Variants in STAT4 observed in about 807,000 individuals in gnomAD.
STAT4 encodes the protein signal transducer and activator of transcription 4.
Under a neutral mutation model 110.5 loss-of-function variants are expected in STAT4, and 42 were observed. That is an observed-to-expected ratio of 0.38 (90% CI 0.30 to 0.49). The LOEUF is 0.49. Among genes scored for constraint, STAT4 ranks in the 20% least tolerant of loss-of-function variants. STAT4 has a pLI of 0.95. For synonymous variants in STAT4, 284 were observed against 302.2 expected, an observed-to-expected ratio of 0.94 and a Z score of 0.63; for missense variants, 632 against 887.9, an observed-to-expected ratio of 0.71 and a Z score of 3.66.
rs1696869305 is a variant in STAT4 at position 191,062,260 on chromosome 2, C to T, written c.942-439G>A. On this transcript the variant is annotated intron_variant, in intron 9 of 23. Coordinates refer to ENST00000392320, the MANE Select transcript of STAT4 (RefSeq NM_003151.4). This position sits in a 1 kb window ranked among gnomAD's most constrained non-coding sequence, Gnocchi z 4.9. ...CTGTAGAGATGGGGGTCTTTTTATG[C>T]TGTCCAGGCTGTTCTACAACTCCTG... Among the ~76,000 whole-genome samples, 1 of 151,994 alleles carries T rather than the reference C, an allele frequency of 6.6e-6. No homozygotes were observed. The highest frequency in any genetic ancestry group is 2.4e-5 in the African/African-American group (1 of 41,378).
chr2:191,142,551 G>A lies in STAT4; in HGVS notation c.273+4062C>T, dbSNP rs1275520543. 1.3e-5 allele frequency among the ~76,000 whole-genome samples: 2 copies of A among 152,096 alleles called. No homozygotes were observed. The highest frequency in any genetic ancestry group is 6.6e-5 in the Admixed American group (1 of 15,260). On this transcript the variant is annotated intron_variant, in intron 3 of 23. Transcript: ENST00000392320. The surrounding 1 kb of genome is among the most constrained non-coding windows in gnomAD (Gnocchi z 4.1). ...TTAAGTTCTAACATTCTATAGCAGG[G>A]TTAATATAGTTAACAACAATGTAAT...
At chr2:191,076,465 T>A in intron 3 of STAT4, 140 bp from the exon 4 acceptor site, 1 of 656,104 alleles carries the variant, frequency 1.5e-6, no homozygotes, top group South Asian at 2.0e-5. Flanking sequence ...CAATACTCTG[T>A]TCCATTAGAA....
intron 3 of STAT4, among the ~76,000 whole-genome samples, chr2:191,111,408 A>C (rs1415170220): frequency 6.6e-6 from 1 of 152,228 alleles, no homozygotes; most frequent in Non-Finnish European, 1.5e-5. Flanking sequence ...TCGGAGTATA[A>C]CTTTTTTTCA....
chr2:191,049,330 C>T (rs1424715874), intron 14 of STAT4, among the ~76,000 whole-genome samples: 3 of 151,958 alleles, frequency 2.0e-5, no homozygotes, highest in East Asian at 3.9e-4. Context: ...AACCCGCCAC[C>T]ACTCCTGGCT....
Position 191,146,508 on chromosome 2 carries a change from C to T in STAT4, c.273+105G>A. The T allele has an allele frequency of 1.8e-6, 2 of 1,095,698 alleles. No homozygotes were observed. Among genetic ancestry groups the T allele is most frequent in the Non-Finnish European group, 2.4e-6 (2 of 847,918 alleles). The allele number at this position is 1,095,698 out of a possible 1,614,324, so 67.9% of individuals were successfully genotyped here. On this transcript the variant is annotated intron_variant, in intron 3 of 23. Transcript: ENST00000392320. This position sits in a 1 kb window ranked among gnomAD's most constrained non-coding sequence, Gnocchi z 4.5. Reference sequence around the variant, plus strand: ...GTAAGTGGTAAGACAACTCAATTTTCCCCTAAATTTCATTTGAAAATAATA... The same window carrying T: ...GTAAGTGGTAAGACAACTCAATTTTTCCCTAAATTTCATTTGAAAATAATA...
chr2:191,075,263 C>A (rs1436262075), intron 4 of STAT4, among the ~76,000 whole-genome samples: 1 of 152,122 alleles, frequency 6.6e-6, no homozygotes, highest in African/African-American at 2.4e-5. Context: ...TAATTACACA[C>A]CCTTTCCTTT....
rs6434441 is a variant in STAT4 at position 191,135,356 on chromosome 2, G to T, written c.273+11257C>A. On this transcript the variant is annotated intron_variant, in intron 3 of 23. Transcript: ENST00000392320. This position sits in a 1 kb window ranked among gnomAD's most constrained non-coding sequence, Gnocchi z 4.8. ...CTAGCAAGATTGAATCAGGAAAAAA[G>T]CCCAAAAAGACCTGAACAGACTAAT... Among the ~76,000 whole-genome samples, 1 of 151,966 alleles carries T rather than the reference G, an allele frequency of 6.6e-6. No individual in the cohort carries two copies. The highest frequency in any genetic ancestry group is 1.5e-5 in the Non-Finnish European group (1 of 67,990).
chr2:191,033,828 A>G lies in STAT4; in HGVS notation c.1715+83T>C. 7.2e-7 allele frequency: 1 copy of G among 1,396,130 alleles called. No homozygotes were observed. Among genetic ancestry groups the G allele is most frequent in the Non-Finnish European group, 9.8e-7 (1 of 1,019,886 alleles). 86.5% of individuals were successfully genotyped at this position (1,396,130 alleles called of 1,614,324 possible). On this transcript the variant is annotated intron_variant, in intron 19 of 23. Transcript: ENST00000392320. The surrounding 1 kb of genome is among the most constrained non-coding windows in gnomAD (Gnocchi z 6.9). ...TTTTCTGTGGTACTAAACATGCTTAAGAGAAAAAGAAAGAAGAAAACCAAT... is the reference window on the plus strand; with the variant it reads ...TTTTCTGTGGTACTAAACATGCTTAGGAGAAAAAGAAAGAAGAAAACCAAT...
At chr2:191,088,803 G>A (rs111530282) in intron 3 of STAT4, among the ~76,000 whole-genome samples, 1 of 152,100 alleles carries the variant, frequency 6.6e-6, no homozygotes, top group South Asian at 2.1e-4. Flanking sequence ...TTTGACAAAA[G>A]GGCAAATGCG....
chr2:191,066,315 C>T lies in STAT4; in HGVS notation c.630+115G>A. ...ACTGTTCCTAGAAACCTTGCCGTTT[C>T]TTCATTCAGTAAATGGAACTGATAA... On this transcript the variant is annotated intron_variant, in intron 7 of 23. Coordinates refer to ENST00000392320, the MANE Select transcript of STAT4 (RefSeq NM_003151.4). The surrounding 1 kb of genome is among the most constrained non-coding windows in gnomAD (Gnocchi z 4.3). 1 of 934,518 alleles carries T rather than the reference C, an allele frequency of 1.1e-6. No homozygotes were observed. Among genetic ancestry groups the T allele is most frequent in the Non-Finnish European group, 1.6e-6 (1 of 610,384 alleles). The allele number at this position is 934,518 out of a possible 1,614,324, so 57.9% of individuals were successfully genotyped here.
intron 4 of STAT4, among the ~76,000 whole-genome samples, chr2:191,073,468 C>T (rs1028630828): frequency 1.3e-5 from 2 of 152,172 alleles, no homozygotes; most frequent in Admixed American, 6.5e-5. Context: ...AGGTGGATTG[C>T]CTGAGCTCAA....
intron 18 of STAT4, 40 bp downstream of exon 18, chr2:191,034,508 A>G: frequency 6.5e-7 from 1 of 1,532,854 alleles, no homozygotes; most frequent in Non-Finnish European, 9.0e-7. Flanking sequence ...CATTGTATTA[A>G]AAAAATGTAT....
rs935197102 is a variant in STAT4 at position 191,080,890 on chromosome 2, T to C, written c.274-4565A>G. ...GTTATACTTTAAGTTCTGGGATACA[T>C]GTGCAGGTTTGTTACATAGGTATAC... is the stretch of plus-strand genomic sequence containing the variant. On this transcript the variant is annotated intron_variant, in intron 3 of 23. Transcript: ENST00000392320. Among the ~76,000 whole-genome samples the C allele has an allele frequency of 6.6e-5, 10 of 152,230 alleles. No homozygotes were observed. The East Asian group carries it at 1.2e-3, about 18-fold the overall frequency.
intron 3 of STAT4, among the ~76,000 whole-genome samples, chr2:191,101,639 A>G (rs868059440): frequency 7.2e-5 from 11 of 152,088 alleles, no homozygotes; most frequent in Non-Finnish European, 1.0e-4. Flanking sequence ...TGGTTTTCAT[A>G]TTTGATGTCA....
intron 3 of STAT4, among the ~76,000 whole-genome samples, chr2:191,130,464 C>T (rs552372986): frequency 7.9e-5 from 12 of 151,644 alleles, no homozygotes; most frequent in African/African-American, 1.9e-4. Context: ...CCTCGTGATC[C>T]GCCCGCCTCG....
At chr2:191,127,254 T>C (rs1430779883) in intron 3 of STAT4, among the ~76,000 whole-genome samples, 2 of 152,220 alleles carry the variant, frequency 1.3e-5, no homozygotes, top group Non-Finnish European at 2.9e-5. Flanking sequence ...AAACCTTTGA[T>C]GGTTCCCTAT....
rs755040300 is a variant in STAT4, at chr2:191,073,058, A to C, written c.465+40T>G. On this transcript the variant is annotated intron_variant, in intron 5 of 23. Transcript: ENST00000392320. ...GAATGGTGCATAGTTATATGGGGAC[A>C]GTATCTAGACTTTCTAGGTATCTGT... 2.6e-6 allele frequency: 4 copies of C among 1,544,032 alleles called. No individual in the cohort carries two copies. The South Asian group carries it at 4.5e-5, about 17-fold the overall frequency.
intron 5 of STAT4, among the ~76,000 whole-genome samples, chr2:191,071,356 C>T (rs1245183635): frequency 6.6e-6 from 1 of 152,160 alleles, no homozygotes; most frequent in Non-Finnish European, 1.5e-5. Flanking sequence ...AACAAAGTCT[C>T]ATGGAAGGCT....
intron 3 of STAT4, among the ~76,000 whole-genome samples, chr2:191,123,121 G>A (rs754199877): frequency 1.2e-4 from 18 of 152,206 alleles, no homozygotes; most frequent in Non-Finnish European, 2.4e-4. Context: ...ATGAAACAGA[G>A]TGTGCAGTGA....
Sources: allele counts gnomAD v4.1 joint callset (sites outside exome capture counted in the v4.1 genomes callset), GRCh38; gene constraint gnomAD v4.1.1; non-coding constraint Gnocchi (gnomAD v3.1); transcripts MANE v1.5; gene names NCBI Gene and HGNC (gene_info 2026-07-23, HGNC 2026-07-21).